Variants in VEGFC observed in about 807,000 individuals in gnomAD.
VEGFC encodes FLT4 ligand DHM.
VEGFC carries 12 observed loss-of-function variants against 46.1 expected under a neutral mutation model. The ratio of observed to expected loss-of-function variants is 0.26; its 90% CI spans 0.17 to 0.42. The LOEUF (loss-of-function observed/expected upper bound fraction) is 0.42, where lower values mean the gene tolerates loss of function less well. VEGFC is among the 10% of genes least tolerant of loss of function. VEGFC has a pLI of 1.00. For missense variants in VEGFC, 488 were observed against 529.4 expected, an observed-to-expected ratio of 0.92 and a Z score of 0.77; for synonymous variants, 232 against 195.5, an observed-to-expected ratio of 1.19 and a Z score of -1.56.
chr4:176,746,765 G>A (rs1018574055), intron 1 of VEGFC, among the ~76,000 whole-genome samples: 1 of 151,942 alleles, frequency 6.6e-6, no homozygotes, highest in African/African-American at 2.4e-5. Context: ...ATTCACAATA[G>A]CACACAAACA....
intron 4 of VEGFC, among the ~76,000 whole-genome samples, chr4:176,709,339 G>T (rs938959587): frequency 1.3e-5 from 2 of 152,162 alleles, no homozygotes; most frequent in African/African-American, 4.8e-5. Context: ...AAGTATTTTT[G>T]AGTGTTGTTA....
intron 4 of VEGFC, among the ~76,000 whole-genome samples, chr4:176,704,594 A>T (rs1345610141): frequency 6.6e-6 from 1 of 151,768 alleles, no homozygotes; most frequent in African/African-American, 2.4e-5. Context: ...TGTGGCCACC[A>T]TCTTTATTAT....
At chr4:176,771,484 G>GT (rs1735721996) in intron 1 of VEGFC, among the ~76,000 whole-genome samples, 1 of 152,132 alleles carries the variant, frequency 6.6e-6, no homozygotes, top group African/African-American at 2.4e-5. Context: ...AATATCAAGA[G>GT]TAGTAAGGAA....
intron 1 of VEGFC, among the ~76,000 whole-genome samples, chr4:176,740,444 ATAGAG>A (rs1273838351): frequency 1.2e-4 from 1 of 8,156 alleles, no homozygotes; most frequent in African/African-American, 1.4e-4. Context: ...TATATTCTAT[ATAGAG>A]TATATAGAGT....
intron 1 of VEGFC, among the ~76,000 whole-genome samples, chr4:176,755,213 T>C (rs181471986): frequency 1.3e-5 from 2 of 152,162 alleles, no homozygotes; most frequent in East Asian, 1.9e-4. Flanking sequence ...AGTATTTCAG[T>C]AGATACCAGT....
intron 4 of VEGFC, among the ~76,000 whole-genome samples, chr4:176,707,115 C>G (rs137976283): frequency 1.1e-3 from 163 of 152,278 alleles, no homozygotes; most frequent in African/African-American, 3.8e-3. Flanking sequence ...TATGCATATA[C>G]TAAGATGTGT....
At chr4:176,736,414 C>T (rs952001037) in intron 1 of VEGFC, among the ~76,000 whole-genome samples, 1 of 151,738 alleles carries the variant, frequency 6.6e-6, no homozygotes, top group Non-Finnish European at 1.5e-5. Context: ...AGCTGTACCA[C>T]TTATCACCTG....
intron 1 of VEGFC, among the ~76,000 whole-genome samples, chr4:176,742,017 G>T (rs116653442): frequency 1.0e-3 from 159 of 151,996 alleles, no homozygotes; most frequent in African/African-American, 3.6e-3. Context: ...GGGGCCACAT[G>T]TGCAGGTGGG....
At chr4:176,701,446 G>A (rs1238179143) in intron 4 of VEGFC, among the ~76,000 whole-genome samples, 1 of 152,110 alleles carries the variant, frequency 6.6e-6, no homozygotes, top group Non-Finnish European at 1.5e-5. Flanking sequence ...CTCCTCAGCT[G>A]TATATATTTT....
chr4:176,755,081 T>A (rs188273750), intron 1 of VEGFC, among the ~76,000 whole-genome samples: 1 of 152,222 alleles, frequency 6.6e-6, no homozygotes, highest in East Asian at 1.9e-4. Flanking sequence ...TTCATGTAGT[T>A]ACTTTCATCT....
Position 176,731,945 on chromosome 4 carries a change from T to C in VEGFC, c.148-2199A>G, listed in dbSNP as rs921347149. Among the ~76,000 whole-genome samples the C allele has an allele frequency of 1.3e-5, 2 of 151,908 alleles. 1 individual carries two copies. Among genetic ancestry groups the C allele is most frequent in the South Asian group, 4.2e-4 (2 of 4,808 alleles). The stretch of plus-strand genomic sequence containing the variant: ...TCAATAGATCAGCTGGAGAAAAACA[T>C]AAGCATAACATTCACAATAGAGAAA... On this transcript the variant is annotated intron_variant, in intron 1 of 6. Coordinates refer to ENST00000618562, the MANE Select transcript of VEGFC (RefSeq NM_005429.5).
In VEGFC at chr4:176,684,015, G is replaced by A. The variant is rs764367424; in HGVS notation, c.1171C>T (p.Arg391Cys). The A allele has an allele frequency of 1.4e-5, 22 of 1,614,134 alleles. No homozygotes were observed. The highest frequency in any genetic ancestry group is 2.7e-5 in the African/African-American group (2 of 75,034). Residue 391 changes from arginine (R) to cysteine (C), a missense_variant, in exon 7 of 7, where the codon CGC becomes TGC. Physicochemically the swap from Arg to Cys is radical, Grantham distance 180 (BLOSUM62 -3). Transcript: ENST00000618562. ...CSCYRRPCTN[R>C]QKACEPGFSY... The stretch of plus-strand genomic sequence containing the variant: ...AATCCTGGCTCACAAGCCTTCTGGC[G>A]GTTCGTACATGGCCGTCTGTAACAG...
intron 2 of VEGFC, among the ~76,000 whole-genome samples, 161 bp from the exon 3 acceptor site, chr4:176,728,129 G>A (rs143849662): frequency 2.6e-3 from 392 of 152,240 alleles, no homozygotes; most frequent in African/African-American, 8.8e-3. Flanking sequence ...ACTTGTGAAT[G>A]AGAATGATAT....
Position 176,731,478 on chromosome 4 carries a change from A to ATGT in VEGFC, c.148-1735_148-1733dup, listed in dbSNP as rs1274539200. 4.0e-5 allele frequency among the ~76,000 whole-genome samples: 6 copies of ATGT among 151,888 alleles called. No individual in the cohort carries two copies. In the East Asian group the frequency reaches 1.2e-3, roughly 29 times the overall value. ...TTTATTTGTCAGTCACACCTCAATA[A>ATGT]TGTTGGAAAAAAAACAGTGTACAGG... On this transcript the variant is annotated intron_variant, in intron 1 of 6. Coordinates refer to ENST00000618562, the MANE Select transcript of VEGFC (RefSeq NM_005429.5).
chr4:176,683,916 C>T lies in VEGFC; in HGVS notation c.*10G>A, dbSNP rs760231335. On this transcript the variant is annotated 3_prime_UTR_variant, in exon 7 of 7. Transcript: ENST00000618562. Reference sequence around the variant, plus strand: ...AATAGAAAATCGATGAACTGGAAAACAGTACAATCTTAGCTCATTTGTGGT... The same window carrying T: ...AATAGAAAATCGATGAACTGGAAAATAGTACAATCTTAGCTCATTTGTGGT... The T allele has an allele frequency of 1.5e-5, 24 of 1,600,298 alleles. No individual in the cohort carries two copies. The highest frequency in any genetic ancestry group is 3.3e-5 in the Admixed American group (2 of 59,972).
intron 1 of VEGFC, among the ~76,000 whole-genome samples, chr4:176,740,763 G>A (rs1448574742): frequency 1.3e-5 from 2 of 151,352 alleles, no homozygotes; most frequent in African/African-American, 2.4e-5. Context: ...TTCCAAAAAC[G>A]TCCTAAGCAA....
intron 3 of VEGFC, among the ~76,000 whole-genome samples, chr4:176,717,702 TATTTA>T (rs1360153273): frequency 6.6e-6 from 1 of 152,158 alleles, no homozygotes; most frequent in African/African-American, 2.4e-5. Flanking sequence ...CTCACTACCA[TATTTA>T]ATTTAAATTT....
rs1446004480 is a variant in VEGFC at position 176,729,595 on chromosome 4, T to C, written c.299A>G (p.Asn100Ser). Residue 100 changes from asparagine (N) to serine (S), a missense_variant, in exon 2 of 7, where the codon AAC becomes AGC. Transcript: ENST00000618562. ...WQHNREQANL[N>S]SRTEETIKFA... ...TTTTATAGTCTCTTCTGTCCTTGAG[T>C]TGAGGTTGGCCTGTTCTCTGTTATG... The C allele has an allele frequency of 6.2e-7, 1 of 1,613,784 alleles. No individual in the cohort carries two copies. The highest frequency in any genetic ancestry group is 8.5e-7 in the Non-Finnish European group (1 of 1,179,928).
intron 2 of VEGFC, among the ~76,000 whole-genome samples, chr4:176,728,554 A>G (rs1173799198): frequency 6.6e-6 from 1 of 152,172 alleles, no homozygotes; most frequent in Non-Finnish European, 1.5e-5. Context: ...AACTTTCTTC[A>G]GCAAAGTCAA....
Sources: allele counts gnomAD v4.1 joint callset (sites outside exome capture counted in the v4.1 genomes callset), GRCh38; gene constraint gnomAD v4.1.1; transcripts MANE v1.5; gene names NCBI Gene and HGNC (gene_info 2026-07-23, HGNC 2026-07-21).